Variants in FAM171A1 observed in about 807,000 individuals in gnomAD.
The protein encoded by FAM171A1 is family with sequence similarity 171 member A1, also known as protein FAM171A1.
A neutral mutation model predicts 74.9 loss-of-function variants in FAM171A1; 23 were observed. The observed-to-expected ratio is 0.31, with a 90% CI of 0.22 to 0.44. The LOEUF (loss-of-function observed/expected upper bound fraction) is 0.44, where lower values mean the gene tolerates loss of function less well. FAM171A1 is among the 20% of genes least tolerant of loss of function. The pLI is 1.00. For missense variants in FAM171A1, 1,162 were observed against 1,159.2 expected (o/e 1.00, Z -0.03); for synonymous variants, 527 against 505.7 (o/e 1.04, Z -0.57).
intron 3 of FAM171A1, among the ~76,000 whole-genome samples, chr10:15,273,402 A>C (rs558143528): frequency 7.0e-4 from 106 of 152,350 alleles, no homozygotes; most frequent in African/African-American, 2.2e-3. Flanking sequence ...AATAATTAAC[A>C]GCCTACCAAC....
intron 6 of FAM171A1, 99 bp from the exon 7 acceptor site, chr10:15,216,209 G>T: frequency 1.4e-6 from 1 of 739,502 alleles, no homozygotes; most frequent in Non-Finnish European, 2.1e-6. Flanking sequence ...ACTCTTCTTA[G>T]CTGGGGCATA....
At chr10:15,242,304 T>C (rs773468345) in intron 5 of FAM171A1, among the ~76,000 whole-genome samples, 4 of 152,210 alleles carry the variant, frequency 2.6e-5, no homozygotes, top group Non-Finnish European at 5.9e-5. Context: ...CAGGCTTCTA[T>C]TGAGTATAAT....
chr10:15,276,826 G>A lies in FAM171A1; in HGVS notation c.326-879C>T, dbSNP rs865899390. On this transcript the variant is annotated intron_variant, in intron 2 of 7. Transcript: ENST00000378116. ...TAGTCTCTCAAATAGTTGGGACCAT[G>A]GGTGTGCACCACTGCACCCAGCTAA... Among the ~76,000 whole-genome samples, 5 of 151,996 alleles carry A rather than the reference G, an allele frequency of 3.3e-5. No individual in the cohort carries two copies. In the South Asian group the frequency reaches 1.0e-3, roughly 32 times the overall value.
intron 7 of FAM171A1, among the ~76,000 whole-genome samples, 157 bp from the exon 8 acceptor site, chr10:15,214,758 CTTTT>C (rs1206537948): frequency 7.1e-6 from 1 of 140,418 alleles, no homozygotes; most frequent in Non-Finnish European, 1.6e-5. Context: ...CACGCCCTGT[CTTTT>C]TTTTTTTTTT....
At chr10:15,254,594 A>T in intron 4 of FAM171A1, 127 bp downstream of exon 4, 1 of 1,025,398 alleles carries the variant, frequency 9.8e-7, no homozygotes, top group Non-Finnish European at 1.4e-6. Context: ...TTGTACCAAG[A>T]ATTCCCCTTC....
At chr10:15,267,462 G>C (rs1381622150) in intron 3 of FAM171A1, among the ~76,000 whole-genome samples, 1 of 152,018 alleles carries the variant, frequency 6.6e-6, no homozygotes, top group Non-Finnish European at 1.5e-5. Flanking sequence ...AATTAGCTGG[G>C]TGCAGTGGCA....
intron 1 of FAM171A1, among the ~76,000 whole-genome samples, chr10:15,338,935 CGCCATGT>C (rs1564284345): frequency 1.3e-5 from 2 of 151,998 alleles, no homozygotes; most frequent in East Asian, 3.9e-4. Context: ...TCTGGGGTTT[CGCCATGT>C]TGGCCAGGCT....
intron 1 of FAM171A1, among the ~76,000 whole-genome samples, chr10:15,345,755 A>G (rs1474067020): frequency 6.6e-6 from 1 of 152,130 alleles, no homozygotes; most frequent in Non-Finnish European, 1.5e-5. Context: ...AAAAACATAC[A>G]GGTTCCTGGG....
chr10:15,314,548 T>C (rs1423020020), intron 1 of FAM171A1, among the ~76,000 whole-genome samples: 1 of 152,128 alleles, frequency 6.6e-6, no homozygotes, highest in East Asian at 1.9e-4. Flanking sequence ...GGGACCGAGG[T>C]GTTCTCGTTG....
At chr10:15,326,000 T>C (rs1672774293) in intron 1 of FAM171A1, among the ~76,000 whole-genome samples, 1 of 152,212 alleles carries the variant, frequency 6.6e-6, no homozygotes, top group South Asian at 2.1e-4. Flanking sequence ...CAAATCACAT[T>C]GTAAATACCC....
At chr10:15,311,572 C>A (rs1258181510) in intron 1 of FAM171A1, among the ~76,000 whole-genome samples, 1 of 152,150 alleles carries the variant, frequency 6.6e-6, no homozygotes, top group Non-Finnish European at 1.5e-5. Flanking sequence ...TCCTGGGATT[C>A]CCCTTAAATA....
intron 3 of FAM171A1, among the ~76,000 whole-genome samples, chr10:15,272,417 T>G (rs531791367): frequency 4.0e-5 from 6 of 151,764 alleles, no homozygotes; most frequent in African/African-American, 1.2e-4. Context: ...TTACAAAGAG[T>G]CTTAGACTCC....
chr10:15,268,604 G>C (rs555974151), intron 3 of FAM171A1, among the ~76,000 whole-genome samples: 2 of 152,150 alleles, frequency 1.3e-5, no homozygotes, highest in African/African-American at 4.8e-5. Flanking sequence ...CCATTTCAGT[G>C]GGGAGGGTCT....
intron 1 of FAM171A1, among the ~76,000 whole-genome samples, chr10:15,308,196 C>G (rs934110151): frequency 6.6e-6 from 1 of 152,146 alleles, no homozygotes; most frequent in African/African-American, 2.4e-5. Context: ...CAGTGGTTGT[C>G]AGGCACACAA....
intron 5 of FAM171A1, 112 bp from the exon 6 acceptor site, chr10:15,221,172 T>C (rs1382639042): frequency 3.2e-5 from 27 of 856,206 alleles, no homozygotes; most frequent in East Asian, 2.4e-4. Flanking sequence ...TTATGACCTA[T>C]AAGATAACCA....
rs535810589 is a variant in FAM171A1, at chr10:15,251,401, G to A, written c.578-2586C>T. On this transcript the variant is annotated intron_variant, in intron 4 of 7. Coordinates refer to ENST00000378116, the MANE Select transcript of FAM171A1 (RefSeq NM_001010924.2). ...GTCCCCATGTTGTTTATTCTGCAAC[G>A]ATTTTTTTTTTTTTTTTTTTAGACA... is the stretch of plus-strand genomic sequence containing the variant. Among the ~76,000 whole-genome samples the A allele has an allele frequency of 2.0e-4, 29 of 143,944 alleles. No homozygotes were observed. The South Asian group carries it at 5.4e-3, about 27-fold the overall frequency. 94.4% of individuals were successfully genotyped at this position (143,944 alleles called of 152,430 possible). A position where few individuals can be genotyped will look rare whatever the true frequency, so the allele number is the denominator to read the frequency against.
At chr10:15,346,673 G>GCC (rs1205957027) in intron 1 of FAM171A1, among the ~76,000 whole-genome samples, 1 of 152,194 alleles carries the variant, frequency 6.6e-6, no homozygotes, top group Non-Finnish European at 1.5e-5. Context: ...AATACAGAAG[G>GCC]CGTGGAAATG....
At chr10:15,366,938 C>A (rs909628776) in intron 1 of FAM171A1, among the ~76,000 whole-genome samples, 2 of 152,188 alleles carry the variant, frequency 1.3e-5, no homozygotes, top group African/African-American at 4.8e-5. Flanking sequence ...GTGGCTCATG[C>A]CTGTAATCCC....
chr10:15,234,509 G>C (rs1337601916), intron 5 of FAM171A1, among the ~76,000 whole-genome samples: 1 of 152,180 alleles, frequency 6.6e-6, no homozygotes, highest in Non-Finnish European at 1.5e-5. Flanking sequence ...ATTGGTTACA[G>C]AATGTTCTGA....
Sources: gnomAD v4.1 joint callset for allele counts (sites outside exome capture counted in the v4.1 genomes callset) on GRCh38, gnomAD v4.1.1 for gene constraint, MANE v1.5 for transcripts, NCBI Gene and HGNC (gene_info 2026-07-23, HGNC 2026-07-21) for gene names.